Variants in IGSF21 observed in about 807,000 individuals in gnomAD.
IGSF21 encodes immunoglobin superfamily member 21, also known as immunoglobulin superfamily member 21.
Under a neutral mutation model 46.8 loss-of-function variants are expected in IGSF21, and 28 were observed. That is an observed-to-expected ratio of 0.60 (90% CI 0.44 to 0.82). The LOEUF (loss-of-function observed/expected upper bound fraction) is 0.82. Among genes scored for constraint, IGSF21 ranks in the 40% least tolerant of loss-of-function variants. The pLI is 0.00. For missense variants in IGSF21, 624 were observed against 665.5 expected, an observed-to-expected ratio of 0.94 and a Z score of 0.69; for synonymous variants, 284 against 273.6, an observed-to-expected ratio of 1.04 and a Z score of -0.38.
rs72938705 is a variant in IGSF21 at position 18,322,315 on chromosome 1, T to C, written c.306-12577T>C. Among the ~76,000 whole-genome samples, 263 of 151,954 alleles carry C rather than the reference T, an allele frequency of 1.7e-3. No homozygotes were observed. Among genetic ancestry groups the C allele is most frequent in the African/African-American group, 6.1e-3 (253 of 41,414 alleles). On this transcript the variant is annotated intron_variant, in intron 3 of 9. Transcript: ENST00000251296. This position sits in a 1 kb window ranked among gnomAD's most constrained non-coding sequence, Gnocchi z 4.3. ...GAAAAAAGATCATAGAAACAACAGG[T>C]TGAGGAAGTCCGGGAAACCCAGAGG...
At chr1:18,296,625 G>A (rs572686622) in intron 3 of IGSF21, among the ~76,000 whole-genome samples, 254 of 152,228 alleles carry the variant, frequency 1.7e-3, no homozygotes, top group South Asian at 2.7e-3. Context: ...TCCTTCCTGC[G>A]CCTGCCATTT....
At chr1:18,118,380 C>T (rs2086206055) in intron 1 of IGSF21, among the ~76,000 whole-genome samples, 3 of 152,186 alleles carry the variant, frequency 2.0e-5, no homozygotes, top group Admixed American at 6.5e-5. Context: ...GCGTCCGATA[C>T]ACTGGCAGAG....
At chr1:18,272,915 C>A (rs1449335338) in intron 2 of IGSF21, among the ~76,000 whole-genome samples, 2 of 152,108 alleles carry the variant, frequency 1.3e-5, no homozygotes, top group Non-Finnish European at 2.9e-5. Context: ...AAGGAATGGA[C>A]AAGAGGCCCA....
rs533733148 is a variant in IGSF21 at position 18,133,299 on chromosome 1, G to A, written c.70+25101G>A. ...TTCCATCTCGCCTCTGCTGAGCAGC[G>A]GAGCCTTTCTGGTCTAACCCCCATG... On this transcript the variant is annotated intron_variant, in intron 1 of 9. Transcript: ENST00000251296. Among the ~76,000 whole-genome samples, 28 of 152,292 alleles carry A rather than the reference G, an allele frequency of 1.8e-4. No homozygotes were observed. The South Asian group carries it at 4.8e-3, about 26-fold the overall frequency.
chr1:18,209,212 T>C (rs537621997), intron 1 of IGSF21, among the ~76,000 whole-genome samples: 1 of 152,300 alleles, frequency 6.6e-6, no homozygotes, highest in South Asian at 2.1e-4. Context: ...ACATTTTGAG[T>C]GCTACATTAG....
chr1:18,201,695 G>T (rs1450978075), intron 1 of IGSF21, among the ~76,000 whole-genome samples: 2 of 152,030 alleles, frequency 1.3e-5, no homozygotes, highest in Non-Finnish European at 2.9e-5. Flanking sequence ...TGCCTCCTCT[G>T]CCCTCTCATT....
intron 1 of IGSF21, among the ~76,000 whole-genome samples, chr1:18,196,878 G>T (rs2087014394): frequency 6.6e-6 from 1 of 152,116 alleles, no homozygotes; most frequent in South Asian, 2.1e-4. Flanking sequence ...ACCCTTCTAT[G>T]CAAGCCACAG....
intron 2 of IGSF21, among the ~76,000 whole-genome samples, chr1:18,282,860 C>T (rs59298026): frequency 0.015 from 2,297 of 152,268 alleles, 56 homozygotes; most frequent in African/African-American, 0.052. Flanking sequence ...TCTAAAACTA[C>T]GCATGAACAT....
intron 1 of IGSF21, among the ~76,000 whole-genome samples, chr1:18,209,621 ATTTTTTT>A (rs35745482): frequency 1.4e-4 from 19 of 133,834 alleles, no homozygotes; most frequent in African/African-American, 5.0e-4. Flanking sequence ...CACCTGGCTA[ATTTTTTT>A]TTTTTTTTTT....
At chr1:18,251,036 C>T (rs1297819538) in intron 2 of IGSF21, among the ~76,000 whole-genome samples, 1 of 151,952 alleles carries the variant, frequency 6.6e-6, no homozygotes, top group East Asian at 1.9e-4. Context: ...CAAGCAAAGA[C>T]CTGAGGGAAG....
At chr1:18,167,708 G>A (rs750058108) in intron 1 of IGSF21, 71 of 152,144 alleles carry the variant, frequency 4.7e-4, no homozygotes, top group Non-Finnish European at 8.4e-4. Flanking sequence ...CTCCACCCTC[G>A]TGATCTGCTG....
At chr1:18,373,459 G>T (rs2124638902) in intron 6 of IGSF21, among the ~76,000 whole-genome samples, 1 of 152,312 alleles carries the variant, frequency 6.6e-6, no homozygotes, top group South Asian at 2.1e-4. Context: ...ACAGCAGCAG[G>T]CTTGGCTTCC....
intron 6 of IGSF21, chr1:18,376,030 C>T: frequency 2.9e-6 from 1 of 348,576 alleles, no homozygotes; most frequent in Admixed American, 3.7e-5. Context: ...GTTTGTCTTT[C>T]TTCCCCACTG....
chr1:18,225,129 A>ACACACACACACAC (rs1491338920), intron 1 of IGSF21, among the ~76,000 whole-genome samples: 93 of 143,640 alleles, frequency 6.5e-4, no homozygotes, highest in Middle Eastern at 3.6e-3. Context: ...ACACACACAC[A>ACACACACACACAC]AAGAAATCAT....
intron 1 of IGSF21, among the ~76,000 whole-genome samples, chr1:18,178,716 GCT>G (rs1415753309): frequency 6.6e-6 from 1 of 152,048 alleles, no homozygotes; most frequent in Non-Finnish European, 1.5e-5. Context: ...CCTGGGGTCG[GCT>G]TCTCCGGCCA....
At chr1:18,257,192 C>T (rs2084900936) in intron 2 of IGSF21, among the ~76,000 whole-genome samples, 1 of 152,086 alleles carries the variant, frequency 6.6e-6, no homozygotes, top group Non-Finnish European at 1.5e-5. Context: ...TTAAAGAAAA[C>T]ACACGCTTTA....
chr1:18,157,413 C>A (rs2086578258), intron 1 of IGSF21, among the ~76,000 whole-genome samples: 2 of 152,224 alleles, frequency 1.3e-5, no homozygotes, highest in African/African-American at 4.8e-5. Flanking sequence ...CGCCAATCCC[C>A]TCAAGGTCTC....
At chr1:18,176,258 CAG>C (rs1178583300) in intron 1 of IGSF21, 1 of 152,214 alleles carries the variant, frequency 6.6e-6, no homozygotes, top group East Asian at 1.9e-4. Flanking sequence ...GGAGGGGACA[CAG>C]AGAGGCATCC....
In IGSF21 at chr1:18,212,718, G is replaced by C. The variant is rs561447991; in HGVS notation, c.71-15180G>C. On this transcript the variant is annotated intron_variant, in intron 1 of 9. Transcript: ENST00000251296. ...TCTGCTCAACATGCCCCTGGCCCTGGAGAGGGCACTGCAAAGACAGCCATG... is the reference window on the plus strand; with the variant it reads ...TCTGCTCAACATGCCCCTGGCCCTGCAGAGGGCACTGCAAAGACAGCCATG... Among the ~76,000 whole-genome samples the C allele has an allele frequency of 1.1e-3, 161 of 152,318 alleles. 1 individual carries two copies. Among genetic ancestry groups the C allele is most frequent in the Non-Finnish European group, 2.0e-3 (135 of 68,026 alleles).
Sources: allele counts gnomAD v4.1 joint callset (sites outside exome capture counted in the v4.1 genomes callset), GRCh38; gene constraint gnomAD v4.1.1; non-coding constraint Gnocchi (gnomAD v3.1); transcripts MANE v1.5; gene names NCBI Gene and HGNC (gene_info 2026-07-23, HGNC 2026-07-21).